SEMA6A: variants seen among roughly 807,000 people sequenced by gnomAD.
The protein encoded by SEMA6A is semaphorin-6A.
A neutral mutation model predicts 96.8 loss-of-function variants in SEMA6A; 25 were observed. The observed-to-expected ratio is 0.26, with a 90% CI of 0.19 to 0.36. SEMA6A has a LOEUF of 0.36. Ranked by LOEUF, SEMA6A falls within the 10% of genes least tolerant of loss-of-function variation. SEMA6A has a pLI of 1.00. For missense variants in SEMA6A, 1,363 were observed against 1,323.1 expected (o/e 1.03, Z -0.47); for synonymous variants, 612 against 518.0 (o/e 1.18, Z -2.46).
intron 1 of SEMA6A, among the ~76,000 whole-genome samples, chr5:116,563,619 T>C (rs1760906574): frequency 6.6e-6 from 1 of 152,218 alleles, no homozygotes. Flanking sequence ...TACTTTTTAC[T>C]TTTCTTAAGC....
intron 18 of SEMA6A, among the ~76,000 whole-genome samples, chr5:116,463,017 C>T (rs143326327): frequency 4.1e-4 from 62 of 152,052 alleles, no homozygotes; most frequent in African/African-American, 1.3e-3. Context: ...CACTTTTCAA[C>T]GATAAAATGT....
chr5:116,457,663 C>T (rs1755100824), intron 18 of SEMA6A, among the ~76,000 whole-genome samples: 1 of 152,086 alleles, frequency 6.6e-6, no homozygotes, highest in South Asian at 2.1e-4. Flanking sequence ...GGCTTTCTGA[C>T]ACCAATTAAG....
chr5:116,525,751 T>G (rs114154010), intron 1 of SEMA6A, among the ~76,000 whole-genome samples: 38 of 152,304 alleles, frequency 2.5e-4, no homozygotes, highest in Non-Finnish European at 4.7e-4. Context: ...TAGCCTATAG[T>G]CATTGGTGGT....
chr5:116,488,047 A>G, intron 9 of SEMA6A, 61 bp downstream of exon 9: 1 of 1,098,256 alleles, frequency 9.1e-7, no homozygotes, highest in Non-Finnish European at 1.4e-6. Flanking sequence ...ACAACATTTG[A>G]CCAAAGGTGT....
intron 1 of SEMA6A, among the ~76,000 whole-genome samples, chr5:116,561,740 C>T (rs1333107640): frequency 1.3e-5 from 2 of 152,138 alleles, no homozygotes; most frequent in Non-Finnish European, 2.9e-5. Context: ...CCTTTTAATT[C>T]TTGGGAACGG....
At chr5:116,562,585 A>G in intron 1 of SEMA6A, 1 of 649,242 alleles carries the variant, frequency 1.5e-6, no homozygotes, top group South Asian at 1.6e-5. Flanking sequence ...AGGGGAAGGA[A>G]AAGGAAGAAC....
intron 1 of SEMA6A, among the ~76,000 whole-genome samples, chr5:116,563,183 T>C (rs1208131613): frequency 6.6e-6 from 1 of 152,206 alleles, no homozygotes; most frequent in Admixed American, 6.5e-5. Flanking sequence ...TGCAGTATGC[T>C]TTTATTTGAA....
chr5:116,573,582 G>A (rs1761329031), intron 1 of SEMA6A, among the ~76,000 whole-genome samples: 1 of 150,806 alleles, frequency 6.6e-6, no homozygotes, highest in African/African-American at 2.4e-5. Context: ...GACAGGGCGC[G>A]CGGGTGCCTA....
intron 1 of SEMA6A, among the ~76,000 whole-genome samples, chr5:116,524,505 T>C (rs1321178704): frequency 6.6e-6 from 1 of 152,190 alleles, no homozygotes; most frequent in Non-Finnish European, 1.5e-5. Flanking sequence ...TTTCAAGTTA[T>C]TTGTATTGTC....
At position 116,495,431 on chromosome 5, in the gene SEMA6A, A is replaced by G; in HGVS notation, c.426T>C (p.Pro142=). 1 of 1,609,894 alleles carries G rather than the reference A, an allele frequency of 6.2e-7. No homozygotes were observed. The highest frequency in any genetic ancestry group is 8.5e-7 in the Non-Finnish European group (1 of 1,177,934). ...LFVCGTNAFN[P]SCRNYKMDTL... ...CATTTACCTTATAGTTTCTGCAGGA[A>G]GGGTTGAAGGCATTAGTTCCACAGA... Residue 142 remains proline (P), a synonymous_variant, in exon 6 of 19, where the codon CCT becomes CCC. Coordinates refer to ENST00000343348, the MANE Select transcript of SEMA6A (RefSeq NM_020796.5).
At chr5:116,505,874 C>G (rs1251942495) in intron 1 of SEMA6A, among the ~76,000 whole-genome samples, 2 of 16,212 alleles carry the variant, frequency 1.2e-4, no homozygotes, top group Non-Finnish European at 2.2e-4. Flanking sequence ...CTGCTGGATA[C>G]AGTGAAAAAA....
intron 1 of SEMA6A, among the ~76,000 whole-genome samples, chr5:116,573,650 C>G (rs1761334313): frequency 6.6e-6 from 1 of 151,692 alleles, no homozygotes; most frequent in Admixed American, 6.5e-5. Flanking sequence ...ACACTGACAA[C>G]AAAAGATTCT....
chr5:116,497,378 A>T lies in SEMA6A; in HGVS notation c.228T>A (p.Ile76=). The change falls in exon 4 of 19, where the codon ATT becomes ATA. Residue 76 remains isoleucine (I), a synonymous_variant. Transcript: ENST00000343348. ...GTGATGTGTCTATATCAACAGTATA[A>T]ATATGGTCCCTATAGGCAAAGAAAA... ...GTLYIAARDH[I]YTVDIDTSHT... is the part of the protein sequence containing the mutation. 4 of 1,594,200 alleles carry T rather than the reference A, an allele frequency of 2.5e-6. No individual in the cohort carries two copies. Among genetic ancestry groups the T allele is most frequent in the Non-Finnish European group, 3.4e-6 (4 of 1,163,846 alleles).
chr5:116,513,755 T>G (rs1478652205), intron 1 of SEMA6A, among the ~76,000 whole-genome samples: 2 of 152,162 alleles, frequency 1.3e-5, no homozygotes, highest in Non-Finnish European at 2.9e-5. Flanking sequence ...CCACGAGCTA[T>G]TCTTCCCGAT....
At position 116,513,601 on chromosome 5, in the gene SEMA6A, C is replaced by CTT. The variant is rs138397170; in HGVS notation, c.-38-8621_-38-8620dup. The stretch of plus-strand genomic sequence containing the variant: ...ATTCCCAAACCTTCCTCTTGATTTT[C>CTT]TTTTTTTTTTTTTTTAATTTCCAAC... On this transcript the variant is annotated intron_variant, in intron 1 of 18. Transcript: ENST00000343348. Among the ~76,000 whole-genome samples, 405 of 133,302 alleles carry CTT rather than the reference C, an allele frequency of 3.0e-3. 9 individuals carry two copies. The highest frequency in any genetic ancestry group is 1.0e-2 in the African/African-American group (366 of 36,702). The allele number at this position is 133,302 out of a possible 152,430, so 87.5% of individuals were successfully genotyped here.
rs1264955061 is a variant in SEMA6A at position 116,446,889 on chromosome 5, A to G, written c.2817T>C (p.Thr939=). Residue 939 remains threonine (T), a synonymous_variant, in exon 19 of 19, where the codon ACT becomes ACC. Coordinates refer to ENST00000343348, the MANE Select transcript of SEMA6A (RefSeq NM_020796.5). The part of the protein sequence containing the change: ...HQATTLKRNN[T]NSSNSSHLSR... The stretch of plus-strand genomic sequence containing the variant: ...AGAGGTGAGAGGAATTGGAGGAGTT[A>G]GTGTTGTTTCTTTTGAGAGTGGTGG... 2 of 1,613,754 alleles carry G rather than the reference A, an allele frequency of 1.2e-6. No homozygotes were observed. The highest frequency in any genetic ancestry group is 1.7e-6 in the Non-Finnish European group (2 of 1,179,862).
chr5:116,510,793 G>A (rs1178847926), intron 1 of SEMA6A, among the ~76,000 whole-genome samples: 1 of 151,876 alleles, frequency 6.6e-6, no homozygotes, highest in South Asian at 2.1e-4. Flanking sequence ...GTTTGTCTTG[G>A]GAGTCACACA....
intron 4 of SEMA6A, among the ~76,000 whole-genome samples, chr5:116,496,751 C>G (rs766272523): frequency 6.6e-6 from 1 of 152,192 alleles, no homozygotes; most frequent in Non-Finnish European, 1.5e-5. Context: ...AGAGGACATT[C>G]ACTCTAGGTG....
At chr5:116,533,030 T>C (rs1163618556) in intron 1 of SEMA6A, among the ~76,000 whole-genome samples, 1 of 152,234 alleles carries the variant, frequency 6.6e-6, no homozygotes, top group Non-Finnish European at 1.5e-5. Flanking sequence ...TGTGTAGGCA[T>C]GGCAGAAATT....
Sources: gnomAD v4.1 joint callset for allele counts (sites outside exome capture counted in the v4.1 genomes callset) on GRCh38, gnomAD v4.1.1 for gene constraint, MANE v1.5 for transcripts, NCBI Gene and HGNC (gene_info 2026-07-23, HGNC 2026-07-21) for gene names.